RHOBTB1: variants seen among roughly 807,000 people sequenced by gnomAD.
The protein encoded by RHOBTB1 is rho-related BTB domain-containing protein 1.
In RHOBTB1, 40 loss-of-function variants were observed where a neutral mutation model predicts 71.6. The ratio of observed to expected loss-of-function variants is 0.56; its 90% CI spans 0.43 to 0.73. The LOEUF (loss-of-function observed/expected upper bound fraction) is 0.73. Among genes scored for constraint, RHOBTB1 ranks in the 30% least tolerant of loss-of-function variants. The pLI is 0.00. For missense variants in RHOBTB1, 797 were observed against 894.0 expected (o/e 0.89, Z 1.38); for synonymous variants, 319 against 334.9 (o/e 0.95, Z 0.52).
chr10:60,887,801 A>T (rs1442757104), intron 6 of RHOBTB1, among the ~76,000 whole-genome samples: 2 of 152,158 alleles, frequency 1.3e-5, no homozygotes, highest in Admixed American at 1.3e-4. Context: ...CAGAGAATAG[A>T]TTCTGAAGGG....
downstream of RHOBTB1, among the ~76,000 whole-genome samples, chr10:60,867,700 A>C (rs1450484448): frequency 1.3e-5 from 2 of 152,222 alleles, no homozygotes; most frequent in Non-Finnish European, 2.9e-5. Flanking sequence ...TATGCATCTA[A>C]ATGGCTCAAG....
intron 2 of RHOBTB1, among the ~76,000 whole-genome samples, chr10:60,953,846 A>T (rs1405029992): frequency 6.6e-6 from 1 of 152,198 alleles, no homozygotes; most frequent in African/African-American, 2.4e-5. Context: ...AACCCTTTGA[A>T]ATTCACTTTC....
chr10:60,908,171 C>T (rs930273656), intron 4 of RHOBTB1, among the ~76,000 whole-genome samples: 5 of 152,152 alleles, frequency 3.3e-5, no homozygotes, highest in African/African-American at 1.2e-4. Flanking sequence ...ACTCCTCATC[C>T]CACAGAATCC....
At chr10:60,914,542 A>T (rs1316591418) in intron 2 of RHOBTB1, among the ~76,000 whole-genome samples, 1 of 152,170 alleles carries the variant, frequency 6.6e-6, no homozygotes, top group Non-Finnish European at 1.5e-5. Flanking sequence ...GTTTAGACTT[A>T]GTAAAAATGG....
At chr10:60,913,119 G>T (rs1216812827) in intron 2 of RHOBTB1, among the ~76,000 whole-genome samples, 1 of 152,178 alleles carries the variant, frequency 6.6e-6, no homozygotes. Flanking sequence ...CATTGACAAG[G>T]ATATATAGAA....
intron 2 of RHOBTB1, among the ~76,000 whole-genome samples, chr10:60,958,893 A>G (rs1589419641): frequency 6.6e-6 from 1 of 152,164 alleles, no homozygotes; most frequent in South Asian, 2.1e-4. Context: ...GAGGCACCGC[A>G]CCTGGCCCAG....
intron 9 of RHOBTB1, among the ~76,000 whole-genome samples, chr10:60,873,024 G>A (rs1158849041): frequency 2.0e-5 from 3 of 152,064 alleles, no homozygotes; most frequent in African/African-American, 7.2e-5. Context: ...CTTTGGTCAG[G>A]TGGATCCCTA....
intron 1 of RHOBTB1, among the ~76,000 whole-genome samples, chr10:60,992,148 A>T (rs2086892180): frequency 6.6e-6 from 1 of 152,212 alleles, no homozygotes; most frequent in Non-Finnish European, 1.5e-5. Context: ...CATTTTGCAC[A>T]GAACTGGGGT....
At chr10:60,937,270 T>C (rs1464783807) in intron 2 of RHOBTB1, among the ~76,000 whole-genome samples, 3 of 152,180 alleles carry the variant, frequency 2.0e-5, no homozygotes, top group African/African-American at 7.2e-5. Context: ...TATCAAGTGC[T>C]GCAGATGAAA....
chr10:60,985,733 G>T (rs2086641589), intron 2 of RHOBTB1: 1 of 152,088 alleles, frequency 6.6e-6, no homozygotes, highest in African/African-American at 2.4e-5. Flanking sequence ...AGACAATCTA[G>T]ATATTATTCA....
chr10:60,865,632 A>T (rs1243114094), downstream of RHOBTB1, among the ~76,000 whole-genome samples: 1 of 152,238 alleles, frequency 6.6e-6, no homozygotes, highest in African/African-American at 2.4e-5. Flanking sequence ...CTCAGATGGC[A>T]GGAAGCTAAA....
intron 1 of RHOBTB1, among the ~76,000 whole-genome samples, chr10:60,992,001 T>C (rs779382302): frequency 2.8e-4 from 43 of 152,224 alleles, no homozygotes; most frequent in Non-Finnish European, 5.9e-4. Context: ...TAACACATAG[T>C]AGATTATCAA....
At chr10:60,880,537 C>T (rs180807180) in intron 7 of RHOBTB1, among the ~76,000 whole-genome samples, 5 of 152,146 alleles carry the variant, frequency 3.3e-5, no homozygotes, top group East Asian at 1.9e-4. Flanking sequence ...TTGGTGAAAA[C>T]GACAATTATG....
intron 1 of RHOBTB1, among the ~76,000 whole-genome samples, chr10:60,999,718 G>T (rs118050390): frequency 6.6e-6 from 1 of 152,332 alleles, no homozygotes; most frequent in Non-Finnish European, 1.5e-5. Context: ...AGACTGGAAA[G>T]CTATGAGGCT....
At chr10:60,882,780 T>C (rs1024688708) in intron 7 of RHOBTB1, among the ~76,000 whole-genome samples, 2 of 152,194 alleles carry the variant, frequency 1.3e-5, no homozygotes, top group Non-Finnish European at 2.9e-5. Flanking sequence ...CCACCTGTAT[T>C]GTACTTTCCT....
chr10:60,967,509 C>T (rs892080957), intron 2 of RHOBTB1, among the ~76,000 whole-genome samples: 6 of 151,678 alleles, frequency 4.0e-5, no homozygotes, highest in Non-Finnish European at 7.4e-5. Context: ...AAAAACAGAC[C>T]GGCAGCTGAG....
upstream of RHOBTB1, among the ~76,000 whole-genome samples, chr10:60,946,254 T>C (rs779910974): frequency 1.1e-4 from 16 of 152,054 alleles, no homozygotes; most frequent in Non-Finnish European, 1.3e-4. Context: ...TTAAACAAAA[T>C]ACATTCTTTT....
intron 7 of RHOBTB1, among the ~76,000 whole-genome samples, chr10:60,884,605 A>G (rs1002903506): frequency 3.9e-5 from 6 of 152,180 alleles, no homozygotes; most frequent in Non-Finnish European, 7.3e-5. Context: ...CAACAGATGG[A>G]TGAATAAGAA....
At chr10:60,876,007 C>A (rs1177372007) in intron 8 of RHOBTB1, among the ~76,000 whole-genome samples, 2 of 152,202 alleles carry the variant, frequency 1.3e-5, no homozygotes, top group Non-Finnish European at 2.9e-5. Flanking sequence ...TCCAGCTCTG[C>A]ATGCTTATTG....
Sources: gnomAD v4.1 joint callset for allele counts (sites outside exome capture counted in the v4.1 genomes callset) on GRCh38, gnomAD v4.1.1 for gene constraint, MANE v1.5 for transcripts, NCBI Gene and HGNC (gene_info 2026-07-23, HGNC 2026-07-21) for gene names.